Variants in RASAL2 observed in about 807,000 individuals in gnomAD.
RASAL2 encodes RAS protein activator like 2, also known as ras GTPase-activating protein nGAP.
Under a neutral mutation model 128.9 loss-of-function variants are expected in RASAL2, and 58 were observed. That is an observed-to-expected ratio of 0.45 (90% CI 0.36 to 0.56). The LOEUF (loss-of-function observed/expected upper bound fraction) is 0.56, where lower values mean the gene tolerates loss of function less well. Ranked by LOEUF, RASAL2 falls within the 20% of genes least tolerant of loss-of-function variation. The pLI, the probability that RASAL2 is intolerant of heterozygous loss-of-function variation, is 0.00. For synonymous variants in RASAL2, 561 were observed against 580.8 expected (o/e 0.97, Z 0.49); for missense variants, 1,360 against 1,601.6 (o/e 0.85, Z 2.57).
chr1:178,185,426 T>C (rs991319310), intron 1 of RASAL2, among the ~76,000 whole-genome samples: 9 of 152,078 alleles, frequency 5.9e-5, no homozygotes, highest in African/African-American at 1.9e-4. Context: ...GGCCAGTCTC[T>C]CATCATTAAG....
At chr1:178,118,111 T>C (rs1459648182) in intron 1 of RASAL2, among the ~76,000 whole-genome samples, 1 of 151,254 alleles carries the variant, frequency 6.6e-6, no homozygotes, top group East Asian at 1.9e-4. Context: ...TTGCAGTAGC[T>C]GAGCTTGCAC....
chr1:178,282,544 T>A (rs1170647469), intron 1 of RASAL2, among the ~76,000 whole-genome samples: 1 of 152,084 alleles, frequency 6.6e-6, no homozygotes, highest in Admixed American at 6.5e-5. Context: ...AGACAAAAAT[T>A]TTACAGAAAG....
intron 2 of RASAL2, among the ~76,000 whole-genome samples, chr1:178,296,915 A>G (rs1168269116): frequency 6.7e-6 from 1 of 148,336 alleles, no homozygotes; most frequent in Non-Finnish European, 1.5e-5. Context: ...CAGGTGATCT[A>G]CTCACCTCAG....
At chr1:178,278,487 C>T (rs1344261181) in intron 1 of RASAL2, among the ~76,000 whole-genome samples, 1 of 152,110 alleles carries the variant, frequency 6.6e-6, no homozygotes, top group Non-Finnish European at 1.5e-5. Context: ...TTTCTCCTCT[C>T]AATAGGTTCA....
intron 3 of RASAL2, among the ~76,000 whole-genome samples, chr1:178,301,217 G>T (rs1326354541): frequency 6.6e-6 from 1 of 152,130 alleles, no homozygotes. Context: ...GGAGAAGTCA[G>T]ATTTTTCTCT....
intron 1 of RASAL2, among the ~76,000 whole-genome samples, chr1:178,234,724 G>T (rs1462498347): frequency 6.6e-6 from 1 of 152,076 alleles, no homozygotes; most frequent in Admixed American, 6.6e-5. Flanking sequence ...ATCATTTTTT[G>T]AGAAGCTCTT....
At chr1:178,156,222 A>T (rs1336078874) in intron 1 of RASAL2, among the ~76,000 whole-genome samples, 1 of 152,214 alleles carries the variant, frequency 6.6e-6, no homozygotes, top group Non-Finnish European at 1.5e-5. Context: ...TTATACCTGA[A>T]TGCAAAGAAA....
intron 3 of RASAL2, among the ~76,000 whole-genome samples, chr1:178,309,712 C>T (rs917385454): frequency 2.0e-5 from 3 of 152,024 alleles, no homozygotes; most frequent in Non-Finnish European, 4.4e-5. Flanking sequence ...GTTAGGGGCA[C>T]TACTCTCAAA....
At chr1:178,230,360 A>T (rs1012263553) in intron 1 of RASAL2, among the ~76,000 whole-genome samples, 4 of 152,290 alleles carry the variant, frequency 2.6e-5, no homozygotes, top group African/African-American at 9.6e-5. Context: ...AACTTTTTTT[A>T]AAAAACTGCA....
intron 1 of RASAL2, among the ~76,000 whole-genome samples, chr1:178,245,942 C>A (rs753668153): frequency 2.6e-5 from 4 of 152,126 alleles, no homozygotes; most frequent in Middle Eastern, 3.2e-3. Flanking sequence ...TGTTTTGGTA[C>A]CACTACCATG....
intron 1 of RASAL2, among the ~76,000 whole-genome samples, chr1:178,227,270 G>C (rs141890907): frequency 2.0e-5 from 3 of 151,480 alleles, no homozygotes; most frequent in Non-Finnish European, 4.4e-5. Context: ...ACAGTTTAGC[G>C]TCTTGTCTTA....
At chr1:178,322,300 A>G (rs1668832193) in intron 3 of RASAL2, among the ~76,000 whole-genome samples, 1 of 152,084 alleles carries the variant, frequency 6.6e-6, no homozygotes, top group South Asian at 2.1e-4. Context: ...TTAAATGCAG[A>G]TGTCTAAAGG....
Position 178,441,652 on chromosome 1 carries a change from T to C in RASAL2, c.927+5T>C, listed in dbSNP as rs1451359497. ...AGGACAGTTCAACCTAATAAGGTAA[T>C]AGTAGCTTCAAGTATCTAAAAAATG... is the stretch of plus-strand genomic sequence containing the variant. On this transcript the variant is annotated splice_donor_5th_base_variant and intron_variant, in intron 7 of 17. Transcript: ENST00000367649. The C allele has an allele frequency of 6.2e-7, 1 of 1,601,758 alleles. No homozygotes were observed. Among genetic ancestry groups the C allele is most frequent in the African/African-American group, 1.3e-5 (1 of 74,702 alleles).
At chr1:178,334,353 T>G (rs1354313281) in intron 3 of RASAL2, among the ~76,000 whole-genome samples, 1 of 152,042 alleles carries the variant, frequency 6.6e-6, no homozygotes, top group Admixed American at 6.6e-5. Flanking sequence ...CTTTTTTTTT[T>G]TTGAGATGGA....
chr1:178,452,351 G>T (rs1677435340), intron 10 of RASAL2, 65 bp from the exon 11 acceptor site: 1 of 1,359,784 alleles, frequency 7.4e-7, no homozygotes, highest in African/African-American at 1.4e-5. Context: ...GGTCAGGGTG[G>T]AATCACTTGT....
intron 1 of RASAL2, among the ~76,000 whole-genome samples, chr1:178,180,155 T>C (rs1293785655): frequency 6.6e-6 from 1 of 152,192 alleles, no homozygotes; most frequent in African/African-American, 2.4e-5. Flanking sequence ...TCTTTCCATA[T>C]GTTTATAACC....
intron 1 of RASAL2, among the ~76,000 whole-genome samples, chr1:178,095,703 A>G (rs1658654128): frequency 6.6e-6 from 1 of 152,162 alleles, no homozygotes; most frequent in South Asian, 2.1e-4. Flanking sequence ...AGAGTGACCA[A>G]GACTTAGGTT....
At chr1:178,114,553 G>A (rs957612762) in intron 1 of RASAL2, among the ~76,000 whole-genome samples, 13 of 149,182 alleles carry the variant, frequency 8.7e-5, no homozygotes, top group Middle Eastern at 3.4e-3. Flanking sequence ...ATGGAGTCTC[G>A]CTCTTTTGCC....
At chr1:178,180,508 A>AAC (rs1662061621) in intron 1 of RASAL2, among the ~76,000 whole-genome samples, 2 of 107,470 alleles carry the variant, frequency 1.9e-5, no homozygotes, top group African/African-American at 6.3e-5. Context: ...AAAAAAAAAA[A>AAC]ACCCACAAAA....
Sources: gnomAD v4.1 joint callset for allele counts (sites outside exome capture counted in the v4.1 genomes callset) on GRCh38, gnomAD v4.1.1 for gene constraint, MANE v1.5 for transcripts, NCBI Gene and HGNC (gene_info 2026-07-23, HGNC 2026-07-21) for gene names.